The following PDE10A variants were observed in gnomAD, a reference collection of about 807,000 sequenced individuals.
PDE10A encodes phosphodiesterase 10A, also known as cAMP and cAMP-inhibited cGMP 3',5'-cyclic phosphodiesterase 10A.
In PDE10A, 39 loss-of-function variants were observed where a neutral mutation model predicts 97.7. The ratio of observed to expected loss-of-function variants is 0.40; its 90% confidence interval spans 0.31 to 0.52. The LOEUF is 0.52. Among genes scored for constraint, PDE10A ranks in the 20% least tolerant of loss-of-function variants. PDE10A has a pLI of 0.56. For synonymous variants in PDE10A, 371 were observed against 376.8 expected, an observed-to-expected ratio of 0.98 and a Z score of 0.18; for missense variants, 731 against 1,047.8, an observed-to-expected ratio of 0.70 and a Z score of 4.17.
chr6:165,557,293 A>G (rs1446932558), intron 1 of PDE10A, among the ~76,000 whole-genome samples: 11 of 152,142 alleles, frequency 7.2e-5, no homozygotes. Flanking sequence ...AAAAATGGAG[A>G]AAAGAGAGAC....
intron 1 of PDE10A, among the ~76,000 whole-genome samples, chr6:165,588,110 T>TA (rs953684947): frequency 1.3e-5 from 2 of 152,076 alleles, no homozygotes; most frequent in African/African-American, 4.8e-5. Flanking sequence ...AATACCGCTC[T>TA]AAAAAAATGG....
At chr6:165,349,451 C>T (rs190182552) in intron 18 of PDE10A, among the ~76,000 whole-genome samples, 3 of 152,182 alleles carry the variant, frequency 2.0e-5, no homozygotes, top group Admixed American at 2.0e-4. Context: ...TTGAGGGTAT[C>T]TGGTGGAAGA....
chr6:165,663,518 C>G (rs145921272), upstream of PDE10A, among the ~76,000 whole-genome samples: 2,975 of 152,332 alleles, frequency 0.02, 106 homozygotes, highest in African/African-American at 0.068. Context: ...TGCCCGTTGC[C>G]CGAGCCAGGG....
At chr6:165,739,285 C>T (rs1792658781) in intron 1 of PDE10A, among the ~76,000 whole-genome samples, 1 of 152,202 alleles carries the variant, frequency 6.6e-6, no homozygotes, top group South Asian at 2.1e-4. Context: ...GGCATAAAAA[C>T]AGGCATATAA....
chr6:165,767,695 A>G (rs1777895523), intron 1 of PDE10A, among the ~76,000 whole-genome samples: 1 of 152,182 alleles, frequency 6.6e-6, no homozygotes, highest in African/African-American at 2.4e-5. Flanking sequence ...TTTGATAGAC[A>G]TTTGGATTTT....
intron 3 of PDE10A, among the ~76,000 whole-genome samples, chr6:165,481,689 T>C (rs994864118): frequency 1.3e-5 from 2 of 152,220 alleles, no homozygotes; most frequent in East Asian, 1.9e-4. Flanking sequence ...ATAACCAGTA[T>C]ACTAAATGCT....
At position 165,672,257 on chromosome 6, in the gene PDE10A, G is replaced by T. The variant is rs570549034; in HGVS notation, c.-614-128689C>A. ...CTTTAAGCCTGCCAAAAACCTTTAA[G>T]AATACAGACGCTCCTCAATTTAGGA... On this transcript the variant is annotated intron_variant, in intron 1 of 19. Coordinates refer to the PDE10A transcript ENST00000366882. Among the ~76,000 whole-genome samples the T allele has an allele frequency of 4.6e-5, 7 of 152,282 alleles. 1 individual carries two copies. The highest frequency in any genetic ancestry group is 1.7e-4 in the African/African-American group (7 of 41,568).
intron 1 of PDE10A, among the ~76,000 whole-genome samples, chr6:165,556,716 C>T (rs1424547249): frequency 1.3e-5 from 2 of 152,096 alleles, no homozygotes; most frequent in African/African-American, 2.4e-5. Context: ...ACAAGCATAT[C>T]GGCTATGAAA....
Position 165,661,904 on chromosome 6 carries a change from A to T in PDE10A, c.865+43T>A, listed in dbSNP as rs1210055040. 4 of 789,508 alleles carry T rather than the reference A, an allele frequency of 5.1e-6. No individual in the cohort carries two copies. In the African/African-American group the frequency reaches 7.1e-5, roughly 14 times the overall value. The allele number at this position is 789,508 out of a possible 1,614,324, so 48.9% of individuals were successfully genotyped here. On this transcript the variant is annotated intron_variant, in intron 1 of 21. Transcript: ENST00000539869. The surrounding 1 kb of genome is among the most constrained non-coding windows in gnomAD (Gnocchi z 4.8). Reference sequence around the variant, plus strand: ...GCCCCCCACCTGCCCCCAGGGGATGAGGAGCCGCCCCACCTCCGGGGAACG... The same window carrying T: ...GCCCCCCACCTGCCCCCAGGGGATGTGGAGCCGCCCCACCTCCGGGGAACG...
chr6:165,656,877 A>T (rs1310044494), intron 1 of PDE10A, among the ~76,000 whole-genome samples: 1 of 152,182 alleles, frequency 6.6e-6, no homozygotes, highest in Non-Finnish European at 1.5e-5. Context: ...CTCTTCTGTG[A>T]TCTGTGTGCT....
At chr6:165,927,528 C>G (rs552211616) in intron 1 of PDE10A, among the ~76,000 whole-genome samples, 3 of 151,230 alleles carry the variant, frequency 2.0e-5, no homozygotes, top group African/African-American at 7.3e-5. Context: ...GAAGAATATA[C>G]GCAAAGGTAT....
chr6:165,571,727 T>C (rs1785059711), intron 1 of PDE10A, among the ~76,000 whole-genome samples: 2 of 152,216 alleles, frequency 1.3e-5, no homozygotes, highest in Admixed American at 1.3e-4. Context: ...CTGTATTTAT[T>C]TTCTCATAAT....
chr6:165,729,988 A>G (rs1792389634), intron 1 of PDE10A, among the ~76,000 whole-genome samples: 1 of 152,224 alleles, frequency 6.6e-6, no homozygotes, highest in African/African-American at 2.4e-5. Context: ...ACCAAGAAAT[A>G]CGTCACCTGT....
At chr6:165,659,865 C>T (rs746513897) in intron 1 of PDE10A, among the ~76,000 whole-genome samples, 20 of 152,174 alleles carry the variant, frequency 1.3e-4, no homozygotes, top group Non-Finnish European at 2.6e-4. Flanking sequence ...TCTTTCTTCC[C>T]CTCCACAACA....
At chr6:165,381,923 A>G (rs149780469) in intron 17 of PDE10A, among the ~76,000 whole-genome samples, 225 of 152,306 alleles carry the variant, frequency 1.5e-3, no homozygotes, top group African/African-American at 5.3e-3. Context: ...TTAACACATA[A>G]TAAATCCTTA....
At chr6:165,384,611 T>G (rs1157465803) in intron 17 of PDE10A, among the ~76,000 whole-genome samples, 1 of 144,406 alleles carries the variant, frequency 6.9e-6, no homozygotes, top group Admixed American at 7.0e-5. Flanking sequence ...ATGAGTAACG[T>G]GTGTGTGTAT....
intron 1 of PDE10A, among the ~76,000 whole-genome samples, chr6:165,592,922 C>T (rs904554705): frequency 2.0e-5 from 3 of 152,134 alleles, no homozygotes; most frequent in African/African-American, 7.2e-5. Context: ...CTAGAAATAC[C>T]ATTTGACCCA....
At chr6:165,616,877 A>G (rs1002848571) in intron 1 of PDE10A, among the ~76,000 whole-genome samples, 1 of 152,224 alleles carries the variant, frequency 6.6e-6, no homozygotes, top group Non-Finnish European at 1.5e-5. Context: ...TTGAGAACAG[A>G]GAATTTCTTG....
chr6:165,552,028 C>A (rs377034054), intron 1 of PDE10A, among the ~76,000 whole-genome samples: 2 of 152,118 alleles, frequency 1.3e-5, no homozygotes, highest in East Asian at 3.9e-4. Context: ...CCCCTCCTCT[C>A]TTACGGCTCA....
Sources: gnomAD v4.1 joint callset for allele counts (sites outside exome capture counted in the v4.1 genomes callset) on GRCh38, gnomAD v4.1.1 for gene constraint, Gnocchi (gnomAD v3.1) non-coding constraint, MANE v1.5 for transcripts, NCBI Gene and HGNC (gene_info 2026-07-23, HGNC 2026-07-21) for gene names.